The following RELN variants were observed in gnomAD, a reference collection of about 807,000 sequenced individuals.
RELN encodes the protein reelin.
In RELN, 108 loss-of-function variants were observed where a neutral mutation model predicts 427.6. The observed-to-expected ratio is 0.25, with a 90% CI of 0.22 to 0.30. The LOEUF is 0.30. Ranked by LOEUF, RELN falls within the 10% of genes least tolerant of loss-of-function variation. RELN has a pLI of 1.00. For synonymous variants in RELN, 1,524 were observed against 1,513.4 expected, an observed-to-expected ratio of 1.01 and a Z score of -0.16; for missense variants, 3,715 against 4,302.8, an observed-to-expected ratio of 0.86 and a Z score of 3.82.
chr7:103,775,023 C>T (rs146950692), intron 4 of RELN, among the ~76,000 whole-genome samples: 4 of 151,836 alleles, frequency 2.6e-5, no homozygotes, highest in African/African-American at 9.6e-5. Flanking sequence ...TGAAACCAAC[C>T]CCAATAATTC....
At chr7:103,594,286 A>G in intron 26 of RELN, 35 bp downstream of exon 26, 1 of 1,575,038 alleles carries the variant, frequency 6.3e-7, no homozygotes. Context: ...TTTTATAATT[A>G]TCTGTCTTCT....
chr7:103,940,723 T>C (rs986738558), intron 1 of RELN, among the ~76,000 whole-genome samples: 1 of 152,194 alleles, frequency 6.6e-6, no homozygotes, highest in Admixed American at 6.5e-5. Context: ...TTAATTTGCT[T>C]CCAGATTCAA....
intron 2 of RELN, among the ~76,000 whole-genome samples, chr7:103,889,781 T>C (rs1398562375): frequency 6.6e-6 from 1 of 152,148 alleles, no homozygotes; most frequent in African/African-American, 2.4e-5. Context: ...ACTCCCTTGT[T>C]AGAGGAAAAT....
intron 2 of RELN, among the ~76,000 whole-genome samples, chr7:103,856,989 A>G (rs933047767): frequency 2.6e-5 from 4 of 152,170 alleles, no homozygotes; most frequent in African/African-American, 7.2e-5. Flanking sequence ...TGATCATTAA[A>G]TTTGTCATTT....
chr7:103,895,145 G>A (rs998433141), intron 2 of RELN, among the ~76,000 whole-genome samples: 2 of 152,030 alleles, frequency 1.3e-5, no homozygotes, highest in Non-Finnish European at 2.9e-5. Context: ...ATTATGCACT[G>A]GCAAGAAAAA....
chr7:103,502,884 G>T (rs1477655318), intron 52 of RELN, 132 bp downstream of exon 52: 2 of 780,724 alleles, frequency 2.6e-6, no homozygotes, highest in African/African-American at 1.7e-5. Context: ...ACCAATTAGA[G>T]AACCTTTAGA....
rs187705614 is a variant in RELN at position 103,813,430 on chromosome 7, T to C, written c.473+20107A>G. 5.5e-4 allele frequency among the ~76,000 whole-genome samples: 84 copies of C among 152,140 alleles called. 1 individual carries two copies. The highest frequency in any genetic ancestry group is 3.7e-3 in the Admixed American group (56 of 15,260). Reference sequence around the variant, plus strand: ...AAGTTAGGAAAATGCTAAATAAGAGTAACTTTATCTTCAGATGGAGAAGCT... The same window carrying C: ...AAGTTAGGAAAATGCTAAATAAGAGCAACTTTATCTTCAGATGGAGAAGCT... On this transcript the variant is annotated intron_variant, in intron 3 of 64. Transcript: ENST00000428762.
chr7:103,700,252 G>T (rs925309064), intron 9 of RELN, among the ~76,000 whole-genome samples: 5 of 151,858 alleles, frequency 3.3e-5, no homozygotes, highest in African/African-American at 9.7e-5. Flanking sequence ...TTATTTCATG[G>T]TTTAAACTGT....
intron 10 of RELN, among the ~76,000 whole-genome samples, chr7:103,683,250 T>C (rs1833692266): frequency 6.6e-6 from 1 of 152,138 alleles, no homozygotes; most frequent in Non-Finnish European, 1.5e-5. Flanking sequence ...GCAAGGACAA[T>C]GTCCATTTTG....
intron 3 of RELN, among the ~76,000 whole-genome samples, chr7:103,799,955 G>A (rs1004342557): frequency 6.6e-6 from 1 of 150,938 alleles, no homozygotes; most frequent in Admixed American, 6.6e-5. Flanking sequence ...AAAGGGCTTC[G>A]AAAAAATTCC....
intron 31 of RELN, among the ~76,000 whole-genome samples, chr7:103,568,602 T>C (rs113705205): frequency 4.4e-4 from 67 of 152,290 alleles, no homozygotes; most frequent in African/African-American, 1.6e-3. Flanking sequence ...AGTTGAGGAA[T>C]GTGTGGCATA....
At chr7:103,762,405 A>G (rs1200683865) in intron 4 of RELN, among the ~76,000 whole-genome samples, 3 of 152,238 alleles carry the variant, frequency 2.0e-5, no homozygotes, top group Non-Finnish European at 4.4e-5. Context: ...TAGAAGCTTA[A>G]TTGACACTCT....
Position 103,777,114 on chromosome 7 carries a change from C to T in RELN, c.474-487G>A, listed in dbSNP as rs535913976. Among the ~76,000 whole-genome samples, 3 of 152,172 alleles carry T rather than the reference C, an allele frequency of 2.0e-5. No homozygotes were observed. In the South Asian group the frequency reaches 6.2e-4, roughly 32 times the overall value. ...TAAAAAGAGGGCTATTCAAAGCTTT[C>T]ATAATAAAATCTGTCATAACAAAAT... On this transcript the variant is annotated intron_variant, in intron 3 of 64. Transcript: ENST00000428762.
chr7:103,589,767 T>A lies in RELN; in HGVS notation c.3974A>T (p.His1325Leu). 1 of 1,613,802 alleles carries A rather than the reference T, an allele frequency of 6.2e-7. No individual in the cohort carries two copies. Among genetic ancestry groups the A allele is most frequent in the South Asian group, 1.1e-5 (1 of 91,070 alleles). ...STAPVLLQYS[H>L]DAGMSWFLVK... Reference sequence around the variant, plus strand: ...CAGAAACCAGGACATACCAGCATCATGAGAGTACTGAAGAAGAACTGGAGC... The same window carrying A: ...CAGAAACCAGGACATACCAGCATCAAGAGAGTACTGAAGAAGAACTGGAGC... Residue 1325 changes from histidine to leucine, a missense_variant, in exon 28 of 65, where the codon CAT becomes CTT. This residue lies in a region of RELN where 2,208 missense variants were observed against 2,361.7 expected (regional missense o/e 0.93). Transcript: ENST00000428762.
chr7:103,510,504 A>T (rs1423194761), intron 51 of RELN, among the ~76,000 whole-genome samples: 1 of 151,994 alleles, frequency 6.6e-6, no homozygotes, highest in Non-Finnish European at 1.5e-5. Flanking sequence ...TGGAGGAGGG[A>T]TAGCATTAGG....
rs542352292 is a variant in RELN at position 103,483,808 on chromosome 7, C to T, written c.10026G>A (p.Thr3342=). 74 of 1,614,034 alleles carry T rather than the reference C, an allele frequency of 4.6e-5. No individual in the cohort carries two copies. The highest frequency in any genetic ancestry group is 5.5e-5 in the Non-Finnish European group (65 of 1,179,888). The change falls in exon 62 of 65, where the codon ACG becomes ACA. Residue 3342 remains threonine (T), a synonymous_variant. Transcript: ENST00000428762. The part of the protein sequence containing the change: ...FVLQIGSMSQ[T]DSCNSDLSGP... Reference sequence around the variant, plus strand: ...CACTCAGGTCACTGTTGCAGCTGTCCGTCTGCGACATGCTCCCAATTTGCA... The same window carrying T: ...CACTCAGGTCACTGTTGCAGCTGTCTGTCTGCGACATGCTCCCAATTTGCA...
intron 3 of RELN, among the ~76,000 whole-genome samples, chr7:103,829,346 TC>T (rs1793220582): frequency 6.6e-6 from 1 of 151,780 alleles, no homozygotes; most frequent in African/African-American, 2.4e-5. Flanking sequence ...CCTTCTTCTT[TC>T]CCTTCCCCCA....
chr7:103,915,178 G>T (rs1472259407), intron 2 of RELN, among the ~76,000 whole-genome samples: 2 of 151,938 alleles, frequency 1.3e-5, no homozygotes, highest in Non-Finnish European at 2.9e-5. Flanking sequence ...TTTCCTTTGG[G>T]TATGCTGTGC....
chr7:103,594,537 G>GC, intron 25 of RELN, 45 bp from the exon 26 acceptor site: 1 of 1,540,116 alleles, frequency 6.5e-7, no homozygotes, highest in Non-Finnish European at 8.9e-7. Context: ...CAAAAGCTGT[G>GC]CTTTTTTTTT....
Sources: allele counts gnomAD v4.1 joint callset (sites outside exome capture counted in the v4.1 genomes callset), GRCh38; gene constraint gnomAD v4.1.1; regional missense constraint gnomAD v4.1.1; transcripts MANE v1.5; gene names NCBI Gene and HGNC (gene_info 2026-07-23, HGNC 2026-07-21).